Variants in CHST11 observed in about 807,000 individuals in gnomAD.
CHST11 encodes the protein C4S-1.
CHST11 carries 9 observed loss-of-function variants against 30.4 expected under a neutral mutation model. That is an observed-to-expected ratio of 0.30 (90% CI 0.18 to 0.52). The LOEUF (loss-of-function observed/expected upper bound fraction) is 0.52. CHST11 is among the 20% of genes least tolerant of loss of function. CHST11 has a pLI of 0.97. For synonymous variants in CHST11, 152 were observed against 187.8 expected (o/e 0.81, Z 1.56); for missense variants, 348 against 460.6 (o/e 0.76, Z 2.24).
chr12:104,682,779 C>T lies in CHST11; in HGVS notation c.205-74170C>T, dbSNP rs75889538. On this transcript the variant is annotated intron_variant, in intron 2 of 2. Coordinates refer to ENST00000303694, the MANE Select transcript of CHST11 (RefSeq NM_018413.6). ...GAAATAAATTCTGCCCCATGGCAAC[C>T]GATGTTCAATCCCAGTGACAGCAGC... Among the ~76,000 whole-genome samples the T allele has an allele frequency of 9.3e-3, 1,413 of 152,324 alleles. 33 individuals are homozygous for T. The highest frequency in any genetic ancestry group is 0.033 in the African/African-American group (1,375 of 41,562).
intron 2 of CHST11, among the ~76,000 whole-genome samples, chr12:104,708,909 G>A (rs1348194728): frequency 6.6e-6 from 1 of 152,198 alleles, no homozygotes; most frequent in Non-Finnish European, 1.5e-5. Flanking sequence ...CACCTTAGTA[G>A]CTTCATAGAA....
Position 104,533,054 on chromosome 12 carries a change from G to A in CHST11, c.119-68852G>A, listed in dbSNP as rs570008877. On this transcript the variant is annotated intron_variant, in intron 1 of 2. Coordinates refer to ENST00000303694, the MANE Select transcript of CHST11 (RefSeq NM_018413.6). The stretch of plus-strand genomic sequence containing the variant: ...GCCTCCTGAGTAGCTGGGGCTACAG[G>A]CACGCACCACCATGTCTTGCTTCCA... Among the ~76,000 whole-genome samples, 21 of 152,276 alleles carry A rather than the reference G, an allele frequency of 1.4e-4. 1 individual carries two copies. The South Asian group carries it at 4.4e-3, about 32-fold the overall frequency.
intron 1 of CHST11, among the ~76,000 whole-genome samples, chr12:104,482,411 T>G (rs527652982): frequency 5.1e-4 from 78 of 152,190 alleles, no homozygotes; most frequent in Non-Finnish European, 9.0e-4. Flanking sequence ...CTTTTAAGTT[T>G]AGGCACATCC....
At chr12:104,533,185 G>A (rs2038203302) in intron 1 of CHST11, among the ~76,000 whole-genome samples, 1 of 152,150 alleles carries the variant, frequency 6.6e-6, no homozygotes, top group African/African-American at 2.4e-5. Flanking sequence ...CCACCTCCAT[G>A]ACTGTACTCA....
intron 1 of CHST11, among the ~76,000 whole-genome samples, chr12:104,495,608 T>C (rs2037791740): frequency 6.6e-6 from 1 of 152,248 alleles, no homozygotes; most frequent in South Asian, 2.1e-4. Flanking sequence ...AAATTAGTAC[T>C]AATAAAAATT....
intron 2 of CHST11, among the ~76,000 whole-genome samples, chr12:104,655,801 G>A (rs703659): frequency 1 from 152,218 of 152,338 alleles, 76,051 homozygotes; most frequent in African/African-American, 1. Flanking sequence ...TTCAGGTATA[G>A]GTGACAGAGA....
rs138570186 is a variant in CHST11 at position 104,604,516 on chromosome 12, T to G, written c.204+2525T>G. Among the ~76,000 whole-genome samples the G allele has an allele frequency of 3.8e-3, 579 of 152,348 alleles. 7 individuals carry two copies. Among genetic ancestry groups the G allele is most frequent in the African/African-American group, 0.014 (565 of 41,578 alleles). On this transcript the variant is annotated intron_variant, in intron 2 of 2. Transcript: ENST00000303694. ...AAACTGTCTTGGTGATCATTTGGGC[T>G]GCTGTGGGCCAGGGAGTTGAGGAGA...
chr12:104,651,825 C>A (rs1243502432), intron 2 of CHST11, among the ~76,000 whole-genome samples: 1 of 152,208 alleles, frequency 6.6e-6, no homozygotes, highest in Non-Finnish European at 1.5e-5. Context: ...CTAACCCGAC[C>A]CATTTTCTTT....
intron 2 of CHST11, among the ~76,000 whole-genome samples, chr12:104,704,392 G>A (rs987545082): frequency 2.5e-4 from 38 of 152,306 alleles, no homozygotes; most frequent in African/African-American, 7.9e-4. Flanking sequence ...GGGAAGCTGC[G>A]GGAGCCGGGC....
intron 1 of CHST11, among the ~76,000 whole-genome samples, chr12:104,523,834 G>C (rs1333837532): frequency 7.2e-5 from 11 of 152,028 alleles, no homozygotes; most frequent in Non-Finnish European, 4.4e-5. Flanking sequence ...CTGCTTTTTA[G>C]TCTTCTGGGA....
rs182779254 is a variant in CHST11 at position 104,514,944 on chromosome 12, C to G, written c.118+57415C>G. On this transcript the variant is annotated intron_variant, in intron 1 of 2. Transcript: ENST00000303694. ...CTGGGGTAAAGAAGGATATGAAGAA[C>G]CAATCTGTTAGGGTCGTTCTGAGGA... Among the ~76,000 whole-genome samples the G allele has an allele frequency of 9.2e-5, 14 of 152,242 alleles. No individual in the cohort carries two copies. In the East Asian group the frequency reaches 2.5e-3, roughly 27 times the overall value.
At chr12:104,488,566 CGTGT>C (rs1169688551) in intron 1 of CHST11, among the ~76,000 whole-genome samples, 2 of 112,016 alleles carry the variant, frequency 1.8e-5, no homozygotes, top group African/African-American at 6.4e-5. Context: ...TGTGTGTATG[CGTGT>C]GTATGTGTGT....
intron 2 of CHST11, among the ~76,000 whole-genome samples, chr12:104,628,729 C>T (rs1322843143): frequency 6.6e-6 from 1 of 152,160 alleles, no homozygotes; most frequent in Non-Finnish European, 1.5e-5. Flanking sequence ...GCCTTTGCAC[C>T]TGCTGTTCTT....
At chr12:104,659,057 CG>C (rs2039572614) in intron 2 of CHST11, among the ~76,000 whole-genome samples, 1 of 152,212 alleles carries the variant, frequency 6.6e-6, no homozygotes, top group African/African-American at 2.4e-5. Flanking sequence ...GCTCCCAAAA[CG>C]TTCTCTCACT....
At chr12:104,601,278 T>C (rs1000313189) in intron 1 of CHST11, among the ~76,000 whole-genome samples, 1 of 152,244 alleles carries the variant, frequency 6.6e-6, no homozygotes, top group African/African-American at 2.4e-5. Flanking sequence ...TTGGTGGGGT[T>C]TGAGGAGTTC....
intron 2 of CHST11, among the ~76,000 whole-genome samples, chr12:104,670,558 CAT>C (rs1345218818): frequency 2.0e-5 from 3 of 151,872 alleles, no homozygotes; most frequent in African/African-American, 7.3e-5. Context: ...CACTCCCACA[CAT>C]ACACACCCAC....
chr12:104,710,215 T>C (rs2040074883), intron 2 of CHST11, among the ~76,000 whole-genome samples: 1 of 151,664 alleles, frequency 6.6e-6, no homozygotes, highest in South Asian at 2.1e-4. Context: ...AAAAAAGAAG[T>C]TTTTTCATGT....
At chr12:104,632,854 A>G (rs2039284072) in intron 2 of CHST11, among the ~76,000 whole-genome samples, 1 of 152,232 alleles carries the variant, frequency 6.6e-6, no homozygotes. Flanking sequence ...CACTGAAGCT[A>G]TCGCTGACGT....
chr12:104,613,068 T>C (rs925837031), intron 2 of CHST11, among the ~76,000 whole-genome samples: 4 of 151,798 alleles, frequency 2.6e-5, no homozygotes, highest in African/African-American at 9.7e-5. Flanking sequence ...ACAAAAAATA[T>C]AATAAAATTA....
Sources: gnomAD v4.1 joint callset for allele counts (sites outside exome capture counted in the v4.1 genomes callset) on GRCh38, gnomAD v4.1.1 for gene constraint, MANE v1.5 for transcripts, NCBI Gene and HGNC (gene_info 2026-07-23, HGNC 2026-07-21) for gene names.